The following ZNF780A variants were observed in gnomAD, a reference collection of about 807,000 sequenced individuals.
The protein encoded by ZNF780A is zinc finger protein 780A.
ZNF780A carries 40 observed loss-of-function variants against 56.7 expected under a neutral mutation model. The observed-to-expected ratio is 0.71, with a 90% CI of 0.55 to 0.92. The LOEUF (loss-of-function observed/expected upper bound fraction) is 0.92, where lower values mean the gene tolerates loss of function less well. ZNF780A is among the 40% of genes least tolerant of loss of function. The pLI, the probability that ZNF780A is intolerant of heterozygous loss-of-function variation, is 0.00. For missense variants in ZNF780A, 672 were observed against 783.3 expected (o/e 0.86, Z 1.70); for synonymous variants, 231 against 248.3 (o/e 0.93, Z 0.66).
At chr19:40,087,112 G>A (rs1017190216) in intron 2 of ZNF780A, among the ~76,000 whole-genome samples, 7 of 152,106 alleles carry the variant, frequency 4.6e-5, no homozygotes, top group South Asian at 2.1e-4. Flanking sequence ...TATTACCTGT[G>A]TAATACTCTA....
intron 2 of ZNF780A, chr19:40,085,060 G>C: frequency 2.4e-6 from 2 of 848,294 alleles, no homozygotes; most frequent in South Asian, 1.1e-4. Context: ...AGGCATTTCT[G>C]CCTTGAAGTT....
intron 5 of ZNF780A, among the ~76,000 whole-genome samples, chr19:40,077,879 TAAC>T: frequency 1.0e-5 from 1 of 96,388 alleles, no homozygotes; most frequent in Non-Finnish European, 2.3e-5. Context: ...ACACAGGAAA[TAAC>T]AAAAAAAAAA....
chr19:40,082,019 T>C (rs1047646306), intron 4 of ZNF780A, 105 bp from the exon 5 acceptor site: 2 of 738,534 alleles, frequency 2.7e-6, no homozygotes, highest in Non-Finnish European at 2.1e-6. Flanking sequence ...GTCAAAACAA[T>C]ATTGAAAAGA....
intron 5 of ZNF780A, among the ~76,000 whole-genome samples, chr19:40,081,344 C>T (rs1260572805): frequency 6.6e-6 from 1 of 151,864 alleles, no homozygotes; most frequent in Non-Finnish European, 1.5e-5. Flanking sequence ...AACAACCTGG[C>T]CAACATGGTG....
chr19:40,072,967 C>T (rs1314974071), downstream of ZNF780A: 1 of 1,537,518 alleles, frequency 6.5e-7, no homozygotes. Context: ...GGTTTGGAAG[C>T]CAATGAAGAA....
Position 40,081,858 on chromosome 19 carries a change from A to G in ZNF780A, c.193T>C (p.Trp65Arg). 1 of 1,612,542 alleles carries G rather than the reference A, an allele frequency of 6.2e-7. No homozygotes were observed. ...CTTGTTTCTTTCCTTACAACCATCCAGGGCTCTTTCTCTTGCTCTAGTAAC... is the reference window on the plus strand; with the variant it reads ...CTTGTTTCTTTCCTTACAACCATCCGGGGCTCTTTCTCTTGCTCTAGTAAC... Reference protein sequence around the residue: ...ITLLEQEKEPWMVVRKETSRR... With the variant: ...ITLLEQEKEPRMVVRKETSRR... Residue 65 changes from tryptophan (W) to arginine (R), a missense_variant, in exon 5 of 6, where the codon TGG becomes CGG. Trp to Arg is a moderately radical substitution (Grantham distance 101). Transcript: ENST00000683561.
Position 40,085,039 on chromosome 19 carries a change from A to G in ZNF780A, c.-45-241T>C, listed in dbSNP as rs576608014. ...CAGGGAACCTGCGGCAGAAGCATGA[A>G]TGCCGAGCACAGGCATTTCTGCCTT... On this transcript the variant is annotated intron_variant, in intron 2 of 5. Transcript: ENST00000683561. 21 of 753,668 alleles carry G rather than the reference A, an allele frequency of 2.8e-5. 1 individual carries two copies. The Admixed American group carries it at 1.1e-3, about 40-fold the overall frequency. The allele number at this position is 753,668 out of a possible 1,614,324, so 46.7% of individuals were successfully genotyped here. A position where few individuals can be genotyped will look rare whatever the true frequency, so the allele number is the denominator to read the frequency against.
At chr19:40,089,115 G>GT (rs1974982790) in intron 2 of ZNF780A, 1 of 712,612 alleles carries the variant, frequency 1.4e-6, no homozygotes, top group Non-Finnish European at 2.0e-6. Context: ...ACACAACAGG[G>GT]TATCTCCAAT....
chr19:40,084,193 G>C (rs1473017921), intron 3 of ZNF780A, among the ~76,000 whole-genome samples: 1 of 152,084 alleles, frequency 6.6e-6, no homozygotes, highest in Non-Finnish European at 1.5e-5. Flanking sequence ...GCACGCGTGA[G>C]CCACCATGTC....
At chr19:40,070,305 T>G (rs1973776341), downstream of ZNF780A, 1 of 152,176 alleles carries the variant, frequency 6.6e-6, no homozygotes, top group Non-Finnish European at 1.5e-5. Flanking sequence ...AAACCATTAT[T>G]GAATTGACCT....
Position 40,074,013 on chromosome 19 carries a change from T to A in ZNF780A, c.*503A>T. 1.7e-6 allele frequency: 2 copies of A among 1,143,094 alleles called. No homozygotes were observed. The highest frequency in any genetic ancestry group is 1.6e-5 in the African/African-American group (1 of 61,706). The allele number at this position is 1,143,094 out of a possible 1,614,324, so 70.8% of individuals were successfully genotyped here. ...AAAGGTCTTCCCACATTCTGTACAT[T>A]CACAGGGTTTCATACCAGTATGAAT... On this transcript the variant is annotated 3_prime_UTR_variant, in exon 6 of 6. Transcript: ENST00000683561.
At chr19:40,084,822 G>A (rs1430828174) in intron 2 of ZNF780A, 24 bp from the exon 3 acceptor site, 1 of 1,549,262 alleles carries the variant, frequency 6.5e-7, no homozygotes, top group Admixed American at 2.0e-5. Context: ...ACAACAAAAA[G>A]GCCACAATTA....
intron 2 of ZNF780A, among the ~76,000 whole-genome samples, chr19:40,087,920 T>C (rs1044309544): frequency 3.3e-5 from 5 of 152,132 alleles, no homozygotes; most frequent in African/African-American, 1.2e-4. Flanking sequence ...AAAGAGAGAC[T>C]CTTCAAAAAA....
At chr19:40,079,579 C>G (rs1974355482) in intron 5 of ZNF780A, among the ~76,000 whole-genome samples, 1 of 152,090 alleles carries the variant, frequency 6.6e-6, no homozygotes, top group South Asian at 2.1e-4. Flanking sequence ...TAGGATAGAC[C>G]ATATGTTAGG....
At chr19:40,085,642 G>A (rs1974751283) in intron 2 of ZNF780A, among the ~76,000 whole-genome samples, 1 of 152,080 alleles carries the variant, frequency 6.6e-6, no homozygotes, top group Admixed American at 6.6e-5. Context: ...AGCACTTTGG[G>A]AGGCTGAGGC....
At chr19:40,077,161 G>GACTGCC (rs1974191108) in intron 5 of ZNF780A, among the ~76,000 whole-genome samples, 1 of 152,024 alleles carries the variant, frequency 6.6e-6, no homozygotes, top group Non-Finnish European at 1.5e-5. Flanking sequence ...GGCACATCTG[G>GACTGCC]ACTGCCACTG....
At chr19:40,085,378 A>G in intron 2 of ZNF780A, 1 of 979,640 alleles carries the variant, frequency 1.0e-6, no homozygotes. Flanking sequence ...TAGAATACAA[A>G]GTAAATATTA....
downstream of ZNF780A, chr19:40,071,853 A>T (rs1973830517): frequency 6.6e-6 from 1 of 152,508 alleles, no homozygotes; most frequent in East Asian, 1.9e-4. Flanking sequence ...AACAACACTA[A>T]ATGACACTAT....
chr19:40,085,996 A>ATG (rs1272474870), intron 2 of ZNF780A, among the ~76,000 whole-genome samples: 9 of 151,468 alleles, frequency 5.9e-5, no homozygotes, highest in African/African-American at 2.2e-4. Context: ...TTATATATAT[A>ATG]TATGTGTGTG....
Sources: gnomAD v4.1 joint callset for allele counts (sites outside exome capture counted in the v4.1 genomes callset) on GRCh38, gnomAD v4.1.1 for gene constraint, MANE v1.5 for transcripts, NCBI Gene and HGNC (gene_info 2026-07-23, HGNC 2026-07-21) for gene names.